Variants in TBC1D5 observed in about 807,000 individuals in gnomAD.
TBC1D5 encodes TBC1 domain family member 5, also known as TBC1 domain family, member 5.
Under a neutral mutation model 100.3 loss-of-function variants are expected in TBC1D5, and 75 were observed. The ratio of observed to expected loss-of-function variants is 0.75; its 90% CI spans 0.62 to 0.91. The LOEUF is 0.91. Ranked by LOEUF, TBC1D5 falls within the 40% of genes least tolerant of loss-of-function variation. The pLI is 0.00. For synonymous variants in TBC1D5, 323 were observed against 325.6 expected (o/e 0.99, Z 0.09); for missense variants, 910 against 942.4 (o/e 0.97, Z 0.45).
intron 17 of TBC1D5, among the ~76,000 whole-genome samples, chr3:17,235,418 A>G (rs1047891485): frequency 1.3e-5 from 2 of 152,234 alleles, no homozygotes; most frequent in African/African-American, 4.8e-5. Context: ...ATCTTTCCTC[A>G]AAGGCACTAA....
intron 15 of TBC1D5, 36 bp from the exon 16 acceptor site, chr3:17,258,627 T>C: frequency 1.3e-6 from 2 of 1,552,022 alleles, no homozygotes; most frequent in Non-Finnish European, 1.8e-6. Context: ...GCTAGTTAAA[T>C]GATTTAATCC....
At chr3:17,656,655 A>C (rs997634731) in intron 1 of TBC1D5, among the ~76,000 whole-genome samples, 2 of 152,158 alleles carry the variant, frequency 1.3e-5, no homozygotes, top group African/African-American at 4.8e-5. Context: ...ACAGAAATAG[A>C]GATGACCCAA....
At position 17,329,912 on chromosome 3, in the gene TBC1D5, G is replaced by A. The variant is rs143924156; in HGVS notation, c.996-21778C>T. ...TTAATTTCTCTATTCTTCATCATGG[G>A]CTACAACTAAAAAGCATTTTAGGAG... On this transcript the variant is annotated intron_variant, in intron 13 of 21. Coordinates refer to ENST00000253692, the Ensembl canonical transcript of TBC1D5. 9.8e-3 allele frequency among the ~76,000 whole-genome samples: 1,488 copies of A among 152,194 alleles called. 55 individuals are homozygous for A. The highest frequency in any genetic ancestry group is 0.073 in the Admixed American group (1,112 of 15,284).
At chr3:17,668,329 C>A (rs991796849) in intron 1 of TBC1D5, among the ~76,000 whole-genome samples, 1 of 151,718 alleles carries the variant, frequency 6.6e-6, no homozygotes, top group African/African-American at 2.4e-5. Context: ...TAACTTAATA[C>A]CCGCTTAGAT....
chr3:17,470,015 CTG>C (rs1180513883), intron 3 of TBC1D5, among the ~76,000 whole-genome samples: 1 of 152,200 alleles, frequency 6.6e-6, no homozygotes, highest in African/African-American at 2.4e-5. Flanking sequence ...ATAAAATAAG[CTG>C]TGTCACTCAG....
chr3:17,549,698 A>G (rs2153446378), intron 2 of TBC1D5, among the ~76,000 whole-genome samples: 1 of 152,308 alleles, frequency 6.6e-6, no homozygotes, highest in South Asian at 2.1e-4. Flanking sequence ...TGGGAGGCCA[A>G]GGCTGTTGGA....
chr3:17,313,431 T>A (rs2084285082), intron 13 of TBC1D5, among the ~76,000 whole-genome samples: 2 of 152,196 alleles, frequency 1.3e-5, no homozygotes, highest in Admixed American at 1.3e-4. Context: ...GTAAATAGGC[T>A]TTGCTCTACC....
chr3:17,563,816 T>C (rs1038336535), intron 2 of TBC1D5, among the ~76,000 whole-genome samples: 1 of 152,214 alleles, frequency 6.6e-6, no homozygotes, highest in Non-Finnish European at 1.5e-5. Context: ...GGAGTCTCCC[T>C]CTGTTGCCCA....
chr3:17,507,068 T>C (rs1297508231), intron 3 of TBC1D5, among the ~76,000 whole-genome samples: 3 of 152,152 alleles, frequency 2.0e-5, no homozygotes, highest in African/African-American at 7.2e-5. Context: ...CAAATAACCA[T>C]AGTAATCAGA....
rs868541709 is a variant in TBC1D5, at chr3:17,426,561, T to C, written c.167+1889A>G. Among the ~76,000 whole-genome samples the C allele has an allele frequency of 2.6e-5, 4 of 152,210 alleles. No individual in the cohort carries two copies. The South Asian group carries it at 6.2e-4, about 24-fold the overall frequency. On this transcript the variant is annotated intron_variant, in intron 4 of 21. Transcript: ENST00000253692. The stretch of plus-strand genomic sequence containing the variant: ...AAATTAATATTCTAACATTACAACA[T>C]TGATTTTTAATCAATGCCTGCCATT...
intron 1 of TBC1D5, among the ~76,000 whole-genome samples, chr3:17,713,190 T>C (rs79196868): frequency 2.0e-5 from 3 of 152,072 alleles, no homozygotes; most frequent in South Asian, 2.1e-4. Flanking sequence ...ACAGAAAAAA[T>C]AGATAAACTG....
chr3:17,463,609 AT>A (rs1323134264), intron 3 of TBC1D5, among the ~76,000 whole-genome samples: 5 of 152,226 alleles, frequency 3.3e-5, no homozygotes, highest in African/African-American at 1.2e-4. Flanking sequence ...AAAAAACTGA[AT>A]GATTCCAAAA....
chr3:17,283,920 G>A (rs1178253268), intron 15 of TBC1D5, among the ~76,000 whole-genome samples: 1 of 151,936 alleles, frequency 6.6e-6, no homozygotes, highest in Non-Finnish European at 1.5e-5. Context: ...TCGAGCTTTT[G>A]CATTTGCTAT....
chr3:17,214,076 T>TA, intron 18 of TBC1D5, 131 bp downstream of exon 19: 1 of 863,172 alleles, frequency 1.2e-6, no homozygotes, highest in South Asian at 3.0e-5. Flanking sequence ...ATACTTTTGA[T>TA]AAAATAATTC....
intron 19 of TBC1D5, among the ~76,000 whole-genome samples, chr3:17,180,491 TATAGTA>T (rs1469680578): frequency 6.6e-6 from 1 of 152,218 alleles, no homozygotes; most frequent in East Asian, 1.9e-4. Flanking sequence ...CATAGGGCGA[TATAGTA>T]ATAGCAAAGA....
chr3:17,350,554 G>A (rs1033751283), intron 13 of TBC1D5, among the ~76,000 whole-genome samples: 1 of 152,130 alleles, frequency 6.6e-6, no homozygotes, highest in Non-Finnish European at 1.5e-5. Flanking sequence ...TTACAATCAT[G>A]TGCTAACGTT....
intron 2 of TBC1D5, among the ~76,000 whole-genome samples, chr3:17,572,891 T>G (rs1175836648): frequency 1.3e-5 from 2 of 152,086 alleles, no homozygotes; most frequent in Admixed American, 6.6e-5. Flanking sequence ...TATCTCTACC[T>G]ATAATCCCTG....
At chr3:17,741,843 G>GA (rs2077473612), upstream of TBC1D5, among the ~76,000 whole-genome samples, 1 of 95,918 alleles carries the variant, frequency 1.0e-5, no homozygotes, top group African/African-American at 4.1e-5. Context: ...CTCTTATCCT[G>GA]AAAGACCTCC....
intron 2 of TBC1D5, among the ~76,000 whole-genome samples, chr3:17,521,100 A>T (rs2153315858): frequency 6.6e-6 from 1 of 152,356 alleles, no homozygotes; most frequent in African/African-American, 2.4e-5. Context: ...CTTAGTGGAA[A>T]CCATCAGCTA....
Sources: gnomAD v4.1 joint callset for allele counts (sites outside exome capture counted in the v4.1 genomes callset) on GRCh38, gnomAD v4.1.1 for gene constraint, MANE v1.5 for transcripts, NCBI Gene and HGNC (gene_info 2026-07-23, HGNC 2026-07-21) for gene names.